Variants in NRXN3 observed in about 807,000 individuals in gnomAD.
NRXN3 encodes the protein neurexin III.
Under a neutral mutation model 137.6 loss-of-function variants are expected in NRXN3, and 32 were observed. That is an observed-to-expected ratio of 0.23 (90% CI 0.18 to 0.31). NRXN3 has a LOEUF of 0.31. Among genes scored for constraint, NRXN3 ranks in the 10% least tolerant of loss-of-function variants. NRXN3 has a pLI of 1.00. For synonymous variants in NRXN3, 798 were observed against 784.5 expected (o/e 1.02, Z -0.29); for missense variants, 1,574 against 2,062.5 (o/e 0.76, Z 4.59).
intron 16 of NRXN3, among the ~76,000 whole-genome samples, chr14:79,505,915 G>GCTGTAATCCAGTCGTTGATCAAGA (rs2096873861): frequency 1.3e-5 from 2 of 152,168 alleles, no homozygotes; most frequent in Non-Finnish European, 1.5e-5. Flanking sequence ...CCCCAGCAAG[G>GCTGTAATCCAGTCGTTGATCAAGA]CTGTAATCCA....
intron 10 of NRXN3, among the ~76,000 whole-genome samples, chr14:78,823,638 G>A (rs149784481): frequency 3.1e-4 from 47 of 152,340 alleles, no homozygotes; most frequent in Non-Finnish European, 6.0e-4. Context: ...CCATCCCAGA[G>A]GCTGGGAAGC....
At chr14:79,833,981 A>G (rs914054664) in intron 20 of NRXN3, among the ~76,000 whole-genome samples, 1 of 152,140 alleles carries the variant, frequency 6.6e-6, no homozygotes, top group African/African-American at 2.4e-5. Context: ...AGAGGAAAAG[A>G]GTTCTGGCTG....
At position 78,943,618 on chromosome 14, in the gene NRXN3, AAAAATAT is replaced by A. The variant is rs1284497813; in HGVS notation, c.2276-13622_2276-13616del. On this transcript the variant is annotated intron_variant, in intron 10 of 20. Coordinates refer to ENST00000335750, the MANE Select transcript of NRXN3 (RefSeq NM_001330195.2). ...AGAAGCAAGATCACTGTTAAAAAAA[AAAAATAT>A]ATATATATATATATATATATATATA... is the stretch of plus-strand genomic sequence containing the variant. 1.6e-3 allele frequency among the ~76,000 whole-genome samples: 63 copies of A among 39,948 alleles called. 1 individual carries two copies. Among genetic ancestry groups the A allele is most frequent in the Admixed American group, 2.2e-3 (8 of 3,624 alleles). 26.2% of individuals were successfully genotyped at this position (39,948 alleles called of 152,430 possible). A position where few individuals can be genotyped will look rare whatever the true frequency, so the allele number is the denominator to read the frequency against.
At chr14:78,687,237 A>T (rs1314198910) in intron 6 of NRXN3, among the ~76,000 whole-genome samples, 2 of 152,200 alleles carry the variant, frequency 1.3e-5, no homozygotes, top group African/African-American at 4.8e-5. Flanking sequence ...TACAATGAAA[A>T]AGCCATCAAG....
chr14:79,771,140 G>A (rs540541253), intron 19 of NRXN3, among the ~76,000 whole-genome samples: 28 of 152,132 alleles, frequency 1.8e-4, no homozygotes, highest in African/African-American at 4.1e-4. Flanking sequence ...TCAATAGCTT[G>A]CCAACCAAAA....
intron 19 of NRXN3, among the ~76,000 whole-genome samples, chr14:79,735,829 G>T (rs1444108391): frequency 6.6e-6 from 1 of 152,096 alleles, no homozygotes; most frequent in East Asian, 1.9e-4. Context: ...TGAATATCCT[G>T]CTCAGTTCCC....
At chr14:78,775,806 G>C (rs1049474663) in intron 8 of NRXN3, among the ~76,000 whole-genome samples, 6 of 152,124 alleles carry the variant, frequency 3.9e-5, no homozygotes, top group African/African-American at 1.4e-4. Context: ...TTTTATCCAA[G>C]ATTTCACTTT....
At chr14:78,235,630 A>C (rs1490650513) in intron 1 of NRXN3, among the ~76,000 whole-genome samples, 2 of 152,162 alleles carry the variant, frequency 1.3e-5, no homozygotes, top group Non-Finnish European at 2.9e-5. Context: ...TAAAGGTTAA[A>C]AAAAAAGTCT....
chr14:79,135,263 G>A (rs918481938), intron 15 of NRXN3, among the ~76,000 whole-genome samples: 1 of 152,012 alleles, frequency 6.6e-6, no homozygotes, highest in Non-Finnish European at 1.5e-5. Flanking sequence ...GATGACTTAT[G>A]GTTTCACCTC....
At chr14:79,094,740 C>G (rs2049914454) in intron 15 of NRXN3, among the ~76,000 whole-genome samples, 5 of 152,050 alleles carry the variant, frequency 3.3e-5, no homozygotes, top group Admixed American at 2.6e-4. Flanking sequence ...CATTAAAAAG[C>G]TGTAGATTTG....
At chr14:78,943,621 A>AATATATAT (rs60429358) in intron 10 of NRXN3, among the ~76,000 whole-genome samples, 4 of 27,872 alleles carry the variant, frequency 1.4e-4, no homozygotes, top group Admixed American at 5.1e-4. Context: ...AAAAAAAAAA[A>AATATATAT]ATATATATAT....
intron 16 of NRXN3, among the ~76,000 whole-genome samples, chr14:79,549,127 A>C (rs960419882): frequency 1.3e-5 from 2 of 152,102 alleles, no homozygotes; most frequent in African/African-American, 4.8e-5. Flanking sequence ...AATTTTTGCT[A>C]ATCATGGGTC....
chr14:78,179,618 T>G (rs2059596872), intron 1 of NRXN3, among the ~76,000 whole-genome samples: 1 of 152,018 alleles, frequency 6.6e-6, no homozygotes, highest in African/African-American at 2.4e-5. Flanking sequence ...AATTTGGAAT[T>G]GTCAACTCTC....
intron 15 of NRXN3, among the ~76,000 whole-genome samples, chr14:79,171,837 A>G (rs540187722): frequency 2.6e-5 from 4 of 151,336 alleles, no homozygotes; most frequent in African/African-American, 9.7e-5. Flanking sequence ...TTTCTTTCCC[A>G]TTAGTAAAAT....
chr14:78,172,282 A>G (rs2058796339), intron 1 of NRXN3, among the ~76,000 whole-genome samples: 1 of 152,062 alleles, frequency 6.6e-6, no homozygotes, highest in Non-Finnish European at 1.5e-5. Context: ...TAGTCTGGGG[A>G]GGCTGGAGAA....
intron 4 of NRXN3, among the ~76,000 whole-genome samples, chr14:78,643,736 T>C (rs377130422): frequency 6.6e-6 from 1 of 152,184 alleles, no homozygotes; most frequent in African/African-American, 2.4e-5. Flanking sequence ...AAGGGTCTGG[T>C]ATGAATGCAT....
chr14:79,812,931 T>C (rs1165038620), intron 20 of NRXN3, among the ~76,000 whole-genome samples: 2 of 152,310 alleles, frequency 1.3e-5, no homozygotes, highest in Non-Finnish European at 2.9e-5. Context: ...GAGAAGTTTT[T>C]ATGGGATTTA....
chr14:79,029,682 A>G (rs2099604209), intron 15 of NRXN3, among the ~76,000 whole-genome samples: 1 of 152,140 alleles, frequency 6.6e-6, no homozygotes, highest in Non-Finnish European at 1.5e-5. Flanking sequence ...TGCCAGTAGT[A>G]GCCTCCCCAA....
chr14:78,845,271 C>G (rs1188487032), intron 10 of NRXN3, among the ~76,000 whole-genome samples: 1 of 152,038 alleles, frequency 6.6e-6, no homozygotes, highest in Non-Finnish European at 1.5e-5. Flanking sequence ...TTTTGTGTTA[C>G]TACATAGTGT....
Sources: allele counts gnomAD v4.1 joint callset (sites outside exome capture counted in the v4.1 genomes callset), GRCh38; gene constraint gnomAD v4.1.1; transcripts MANE v1.5; gene names NCBI Gene and HGNC (gene_info 2026-07-23, HGNC 2026-07-21).